Variants in PCDHGB2 observed in about 807,000 individuals in gnomAD.
PCDHGB2 encodes protocadherin gamma subfamily B, 2.
PCDHGB2 carries 55 observed loss-of-function variants against 59.3 expected under a neutral mutation model. That is an observed-to-expected ratio of 0.93 (90% confidence interval 0.75 to 1.16). PCDHGB2 has a LOEUF of 1.16. PCDHGB2 is among the 50% of genes most tolerant of loss of function. The pLI is 0.00. For synonymous variants in PCDHGB2, 516 were observed against 512.0 expected (o/e 1.01, Z -0.11); for missense variants, 1,228 against 1,198.5 (o/e 1.02, Z -0.36).
intron 1 of PCDHGB2, chr5:141,375,215 C>T: frequency 1.2e-6 from 2 of 1,614,004 alleles, no homozygotes; most frequent in Non-Finnish European, 1.7e-6. Flanking sequence ...AGACTCTGGC[C>T]TGAATGGCCT....
At chr5:141,504,135 C>G (rs758903340) in intron 2 of PCDHGB2, among the ~76,000 whole-genome samples, 215 of 152,306 alleles carry the variant, frequency 1.4e-3, no homozygotes, top group Middle Eastern at 3.4e-3. Context: ...CCCGCCAACA[C>G]TCCCCTGCAA....
chr5:141,421,586 T>A (rs750525078), intron 1 of PCDHGB2: 2 of 1,613,602 alleles, frequency 1.2e-6, no homozygotes, highest in Admixed American at 3.3e-5. Context: ...ATTTACGGAG[T>A]GGAGGTGGAA....
intron 1 of PCDHGB2, chr5:141,371,144 T>C: frequency 6.2e-7 from 1 of 1,614,014 alleles, no homozygotes; most frequent in Non-Finnish European, 8.5e-7. Flanking sequence ...ACAGGGTCAA[T>C]GTTGCAGAGA....
intron 1 of PCDHGB2, among the ~76,000 whole-genome samples, chr5:141,400,896 A>G (rs193291751): frequency 2.6e-5 from 4 of 152,214 alleles, no homozygotes; most frequent in Admixed American, 2.6e-4. Context: ...TAATCATTTA[A>G]TTCATCTTTT....
At chr5:141,467,736 G>T (rs1435480730) in intron 1 of PCDHGB2, among the ~76,000 whole-genome samples, 1 of 151,902 alleles carries the variant, frequency 6.6e-6, no homozygotes, top group Admixed American at 6.6e-5. Context: ...ATCCCAGCTC[G>T]CTGCAACCTC....
chr5:141,447,058 G>A (rs1356080567), intron 1 of PCDHGB2, among the ~76,000 whole-genome samples: 1 of 152,068 alleles, frequency 6.6e-6, no homozygotes, highest in Non-Finnish European at 1.5e-5. Flanking sequence ...ATTAAAATGT[G>A]TCAGGCTGTT....
intron 1 of PCDHGB2, among the ~76,000 whole-genome samples, chr5:141,483,294 T>G (rs1392406131): frequency 2.0e-5 from 3 of 152,100 alleles, no homozygotes; most frequent in Non-Finnish European, 4.4e-5. Flanking sequence ...CAGTCATAAG[T>G]GAAGGGACTG....
At chr5:141,478,408 G>C in intron 1 of PCDHGB2, 1 of 1,613,340 alleles carries the variant, frequency 6.2e-7, no homozygotes, top group Non-Finnish European at 8.5e-7. Flanking sequence ...ATCTCACCAC[G>C]GACTCCCGCC....
At chr5:141,498,793 T>C (rs2154592354) in intron 2 of PCDHGB2, among the ~76,000 whole-genome samples, 1 of 152,028 alleles carries the variant, frequency 6.6e-6, no homozygotes, top group Non-Finnish European at 1.5e-5. Context: ...ATTAGCCAGG[T>C]GTGGTGGTGC....
rs376527354 is a variant in PCDHGB2, at chr5:141,439,129, G to A, written c.2422-55678G>A. Among the ~76,000 whole-genome samples the A allele has an allele frequency of 7.3e-5, 11 of 151,064 alleles. No individual in the cohort carries two copies. The South Asian group carries it at 2.3e-3, about 32-fold the overall frequency. The stretch of plus-strand genomic sequence containing the variant: ...AATCACTTGAACCCGGGAGACAGAG[G>A]TTGCAGTGAGCTGAGATCACGCCAC... On this transcript the variant is annotated intron_variant, in intron 1 of 3. Coordinates refer to ENST00000522605, the MANE Select transcript of PCDHGB2 (RefSeq NM_018923.3).
At position 141,423,431 on chromosome 5, in the gene PCDHGB2, G is replaced by A. The variant is rs1220133197; in HGVS notation, c.2421+60875G>A. On this transcript the variant is annotated intron_variant, in intron 1 of 3. Coordinates refer to ENST00000522605, the MANE Select transcript of PCDHGB2 (RefSeq NM_018923.3). ...CAGGCTTCTGAAGGCGGGTTGGCAGGTATGCCCACGTCACATTTTGTAGGC... is the reference window on the plus strand; with the variant it reads ...CAGGCTTCTGAAGGCGGGTTGGCAGATATGCCCACGTCACATTTTGTAGGC... 3 of 1,613,892 alleles carry A rather than the reference G, an allele frequency of 1.9e-6. No homozygotes were observed. Among genetic ancestry groups the A allele is most frequent in the Admixed American group, 3.3e-5 (2 of 60,012 alleles).
chr5:141,404,798 C>T (rs1422774939), intron 1 of PCDHGB2: 2 of 1,613,842 alleles, frequency 1.2e-6, no homozygotes, highest in Admixed American at 1.7e-5. Context: ...TGAGCCAGGG[C>T]TCTTCTCGGT....
Position 141,361,604 on chromosome 5 carries a change from C to G in PCDHGB2, c.1469C>G (p.Ser490Cys). 6.2e-7 allele frequency: 1 copy of G among 1,614,040 alleles called. No homozygotes were observed. Among genetic ancestry groups the G allele is most frequent in the Non-Finnish European group, 8.5e-7 (1 of 1,179,898 alleles). The change falls in exon 1 of 4, where the codon TCC (serine) becomes TGC (cysteine). Residue 490 changes from serine to cysteine, a missense_variant. This residue lies in a region of PCDHGB2 where 781 missense variants were observed against 721.6 expected (regional missense o/e 1.08). Transcript: ENST00000522605. The stretch of plus-strand genomic sequence containing the variant: ...GGCCCCAGTGGCCAAGTTTCCTACT[C>G]CATCGTAGCGAGCGACCTGAAGCCG... ...DLGPSGQVSY[S>C]IVASDLKPRE...
At chr5:141,379,014 T>C (rs1440666109) in intron 1 of PCDHGB2, 2 of 152,222 alleles carry the variant, frequency 1.3e-5, no homozygotes, top group South Asian at 4.1e-4. Context: ...TCTCCAGTCA[T>C]GAGTTGGAAG....
intron 1 of PCDHGB2, chr5:141,421,165 T>C: frequency 7.7e-7 from 1 of 1,297,018 alleles, no homozygotes; most frequent in Non-Finnish European, 1.0e-6. Flanking sequence ...ACTTCATAGA[T>C]ACATAAGCCG....
rs113212669 is a variant in PCDHGB2 at position 141,465,048 on chromosome 5, A to T, written c.2422-29759A>T. 2.4e-3 allele frequency among the ~76,000 whole-genome samples: 362 copies of T among 151,344 alleles called. 4 individuals are homozygous for T. Among genetic ancestry groups the T allele is most frequent in the African/African-American group, 8.4e-3 (346 of 41,268 alleles). On this transcript the variant is annotated intron_variant, in intron 1 of 3. Transcript: ENST00000522605. ...TGAACCACCACAAATGACCCTATAT[A>T]TTTTTTTGAATTGTCTGTTCATGTC...
At chr5:141,446,055 G>A (rs1431833512) in intron 1 of PCDHGB2, among the ~76,000 whole-genome samples, 1 of 152,190 alleles carries the variant, frequency 6.6e-6, no homozygotes, top group Non-Finnish European at 1.5e-5. Flanking sequence ...AGCTGGCTTG[G>A]ATTAAAGGGG....
rs1025148587 is a variant in PCDHGB2 at position 141,431,434 on chromosome 5, C to A, written c.2422-63373C>A. ...GGGGCGACCCGGTGCGCACAGGCAC[C>A]GCGCGCATCCGCGTGATGGTTCTGG... On this transcript the variant is annotated intron_variant, in intron 1 of 3. Transcript: ENST00000522605. This position sits in a 1 kb window ranked among gnomAD's most constrained non-coding sequence, Gnocchi z 4.8. 1.2e-6 allele frequency: 2 copies of A among 1,613,690 alleles called. No homozygotes were observed. Among genetic ancestry groups the A allele is most frequent in the Admixed American group, 1.7e-5 (1 of 60,014 alleles).
intron 1 of PCDHGB2, chr5:141,399,756 C>G: frequency 6.2e-7 from 1 of 1,613,346 alleles, no homozygotes; most frequent in Non-Finnish European, 8.5e-7. Flanking sequence ...CAAACGTGAG[C>G]CTGCGCGTGT....
Sources: allele counts gnomAD v4.1 joint callset (sites outside exome capture counted in the v4.1 genomes callset), GRCh38; gene constraint gnomAD v4.1.1; regional missense constraint gnomAD v4.1.1; non-coding constraint Gnocchi (gnomAD v3.1); transcripts MANE v1.5; gene names NCBI Gene and HGNC (gene_info 2026-07-23, HGNC 2026-07-21).